Variants in UNC80 observed in about 807,000 individuals in gnomAD.
The protein encoded by UNC80 is unc-80 subunit of NALCN channel complex.
In UNC80, 164 loss-of-function variants were observed where a neutral mutation model predicts 384.6. The observed-to-expected ratio is 0.43, with a 90% CI of 0.38 to 0.49. UNC80 has a LOEUF of 0.49. Ranked by LOEUF, UNC80 falls within the 20% of genes least tolerant of loss-of-function variation. The pLI, the probability that UNC80 is intolerant of heterozygous loss-of-function variation, is 0.00. For synonymous variants in UNC80, 1,486 were observed against 1,527.8 expected (o/e 0.97, Z 0.64); for missense variants, 3,330 against 4,143.0 (o/e 0.80, Z 5.39).
intron 61 of UNC80, among the ~76,000 whole-genome samples, chr2:209,987,753 A>G (rs2093318248): frequency 1.3e-5 from 2 of 152,196 alleles, no homozygotes; most frequent in African/African-American, 4.8e-5. Flanking sequence ...AAATGTTTGA[A>G]CAAGACTATA....
At position 209,888,111 on chromosome 2, in the gene UNC80, G is replaced by T. The variant is rs762814371; in HGVS notation, c.4127G>T (p.Arg1376Ile). ...TEPLVDLESCRLRLDPELDRH... is the reference protein window; with the variant it reads ...TEPLVDLESCILRLDPELDRH... ...GCATTTTAGGACTTGGAGAGCTGCA[G>T]ACTTCGTTTGGATCCCGAGTTGGAC... is the stretch of plus-strand genomic sequence containing the variant. Residue 1376 changes from arginine (R) to isoleucine (I), a missense_variant, in exon 26 of 65, where the codon AGA (arginine) becomes ATA (isoleucine). Arg to Ile is a moderately conservative substitution (Grantham distance 97). This residue lies in a region of UNC80 where 801 missense variants were observed against 950.8 expected (regional missense o/e 0.84). Coordinates refer to ENST00000673920, the MANE Select transcript of UNC80 (RefSeq NM_001371986.1). 5 of 1,551,594 alleles carry T rather than the reference G, an allele frequency of 3.2e-6. No homozygotes were observed. Among genetic ancestry groups the T allele is most frequent in the Admixed American group, 2.0e-5 (1 of 50,990 alleles).
intron 29 of UNC80, among the ~76,000 whole-genome samples, chr2:209,906,531 T>C (rs1320335085): frequency 2.0e-5 from 3 of 152,130 alleles, no homozygotes; most frequent in Non-Finnish European, 4.4e-5. Flanking sequence ...AAAGTTGAGA[T>C]TATCCACACT....
chr2:209,839,576 T>A lies in UNC80; in HGVS notation c.3250+146T>A. Reference sequence around the variant, plus strand: ...CTTCATTCATTCATTCATTTAATTTTTCCCACAGTATTTTTCAATACCCTA... The same window carrying A: ...CTTCATTCATTCATTCATTTAATTTATCCCACAGTATTTTTCAATACCCTA... On this transcript the variant is annotated intron_variant, in intron 19 of 64. Coordinates refer to ENST00000673920, the MANE Select transcript of UNC80 (RefSeq NM_001371986.1). The surrounding 1 kb of genome is among the most constrained non-coding windows in gnomAD (Gnocchi z 4.1). 1 of 860,590 alleles carries A rather than the reference T, an allele frequency of 1.2e-6. No homozygotes were observed. The highest frequency in any genetic ancestry group is 2.7e-5 in the East Asian group (1 of 37,576). 53.3% of individuals were successfully genotyped at this position (860,590 alleles called of 1,614,324 possible). A position where few individuals can be genotyped will look rare whatever the true frequency, so the allele number is the denominator to read the frequency against.
intron 16 of UNC80, among the ~76,000 whole-genome samples, chr2:209,833,083 G>C (rs1173307085): frequency 6.6e-6 from 1 of 152,106 alleles, no homozygotes; most frequent in African/African-American, 2.4e-5. Context: ...GCAGAGTGAG[G>C]GGCACAGCGC....
intron 51 of UNC80, among the ~76,000 whole-genome samples, chr2:209,960,088 A>G (rs2092543371): frequency 6.6e-6 from 1 of 152,210 alleles, no homozygotes. Flanking sequence ...CTGTTATTTT[A>G]CATGAGGAAT....
At chr2:209,866,928 T>C (rs563039448) in intron 22 of UNC80, among the ~76,000 whole-genome samples, 22 of 152,346 alleles carry the variant, frequency 1.4e-4, no homozygotes, top group Admixed American at 6.5e-4. Flanking sequence ...ATAATAGTTG[T>C]GCACATTTAT....
chr2:209,888,214 C>T lies in UNC80; in HGVS notation c.4230C>T (p.Ser1410=), dbSNP rs962043503. 6.4e-7 allele frequency: 1 copy of T among 1,551,724 alleles called. No individual in the cohort carries two copies. The highest frequency in any genetic ancestry group is 8.7e-7 in the Non-Finnish European group (1 of 1,146,994). ...ENEDSKDSLH[S]SSHTLKSDAG... is the part of the protein sequence containing the mutation. ...AAGACTCAAAAGATTCTCTCCACAG[C>T]AGCAGCCACACTCTCAAATCAGATG... The change falls in exon 26 of 65, where the codon AGC becomes AGT. Residue 1410 remains serine (S), a synonymous_variant. Coordinates refer to ENST00000673920, the MANE Select transcript of UNC80 (RefSeq NM_001371986.1).
chr2:209,926,381 ACTTTGTGTAACGTAAT>A (rs1259129356), intron 35 of UNC80, among the ~76,000 whole-genome samples: 3 of 152,222 alleles, frequency 2.0e-5, no homozygotes, highest in Admixed American at 2.0e-4. Flanking sequence ...ATGAAGAGGC[ACTTTGTGTAACGTAAT>A]CTTTTTTAAG....
intron 38 of UNC80, among the ~76,000 whole-genome samples, chr2:209,931,851 A>G (rs1358529864): frequency 6.6e-6 from 1 of 152,200 alleles, no homozygotes; most frequent in Non-Finnish European, 1.5e-5. Flanking sequence ...TCCAATCCAG[A>G]TTTAAGTTCA....
intron 56 of UNC80, among the ~76,000 whole-genome samples, chr2:209,973,749 C>T (rs943107309): frequency 3.3e-5 from 5 of 152,152 alleles, no homozygotes; most frequent in Non-Finnish European, 7.4e-5. Context: ...GATCTGTCAC[C>T]TATATAAATG....
intron 26 of UNC80, among the ~76,000 whole-genome samples, chr2:209,892,395 A>G (rs1036202518): frequency 1.3e-5 from 2 of 152,184 alleles, no homozygotes; most frequent in African/African-American, 4.8e-5. Context: ...GTGCTGCACA[A>G]TCTCAACTGA....
At chr2:209,818,402 A>C (rs1017187222) in intron 11 of UNC80, among the ~76,000 whole-genome samples, 1 of 152,016 alleles carries the variant, frequency 6.6e-6, no homozygotes, top group Non-Finnish European at 1.5e-5. Context: ...TGCAGCAAAC[A>C]TGTGTCTCTG....
intron 34 of UNC80, 100 bp from the exon 35 acceptor site, chr2:209,922,152 T>C: frequency 1.5e-6 from 2 of 1,318,466 alleles, no homozygotes; most frequent in Non-Finnish European, 1.0e-6. Context: ...TTAAGCCTTA[T>C]GGTCTGAGAG....
Position 209,995,497 on chromosome 2 carries a change from G to A in UNC80, c.9877G>A (p.Glu3293Lys), listed in dbSNP as rs199783352. The change falls in exon 65 of 65, where the codon GAA becomes AAA. Residue 3293 changes from glutamate to lysine, a missense_variant. Glu to Lys is a moderately conservative substitution (Grantham distance 56, BLOSUM62 1). Coordinates refer to ENST00000673920, the MANE Select transcript of UNC80 (RefSeq NM_001371986.1). ...HGDTVLHISE[E>K]NGMENPLLSS... ...AGACACTGTCCTTCATATCAGTGAG[G>A]AAAATGGCATGGAGAACCCGCTACT... The A allele has an allele frequency of 4.4e-4, 675 of 1,551,724 alleles. 1 individual carries two copies. The highest frequency in any genetic ancestry group is 5.5e-4 in the Non-Finnish European group (626 of 1,147,062).
intron 53 of UNC80, chr2:209,970,457 C>G (rs76006147): frequency 9.9e-6 from 2 of 202,548 alleles, no homozygotes; most frequent in Admixed American, 1.1e-4. Flanking sequence ...AGTTGGAATG[C>G]CTAGTGCAAA....
intron 6 of UNC80, among the ~76,000 whole-genome samples, chr2:209,792,562 T>C (rs1413017024): frequency 6.6e-6 from 1 of 152,134 alleles, no homozygotes; most frequent in African/African-American, 2.4e-5. Flanking sequence ...TTAGCCCGGA[T>C]GGTCTCGATC....
rs1464696964 is a variant in UNC80 at position 209,945,886 on chromosome 2, G to A, written c.7229G>A (p.Ser2410Asn). ...AACGAAGATCTGACATTTTCTATCA[G>A]TGAAGCCATTAAGCTCTGTGTCACT... Reference protein sequence around the residue: ...YGNEDLTFSISEAIKLCVTVV... With the variant: ...YGNEDLTFSINEAIKLCVTVV... The change falls in exon 47 of 65, where the codon AGT (serine) becomes AAT (asparagine). Residue 2410 changes from serine to asparagine, a missense_variant. Ser to Asn is a conservative substitution (Grantham distance 46). Coordinates refer to ENST00000673920, the MANE Select transcript of UNC80 (RefSeq NM_001371986.1). 1 of 1,551,860 alleles carries A rather than the reference G, an allele frequency of 6.4e-7. No homozygotes were observed. The highest frequency in any genetic ancestry group is 8.7e-7 in the Non-Finnish European group (1 of 1,147,016).
intron 7 of UNC80, chr2:209,808,692 T>A: frequency 2.0e-5 from 2 of 99,910 alleles, no homozygotes; most frequent in Non-Finnish European, 4.3e-5. Flanking sequence ...TCCCCTGGAG[T>A]ACTTAAGGGA....
Position 209,998,117 on chromosome 2 carries a change from A to G in UNC80, c.*2522A>G, listed in dbSNP as rs2093509302. 6.6e-6 allele frequency: 1 copy of G among 152,204 alleles called. No homozygotes were observed. Among genetic ancestry groups the G allele is most frequent in the South Asian group, 2.1e-4 (1 of 4,832 alleles). 9.4% of individuals were successfully genotyped at this position (152,204 alleles called of 1,614,324 possible). A position where few individuals can be genotyped will look rare whatever the true frequency, so the allele number is the denominator to read the frequency against. On this transcript the variant is annotated 3_prime_UTR_variant, in exon 65 of 65. Coordinates refer to ENST00000673920, the MANE Select transcript of UNC80 (RefSeq NM_001371986.1). ...ATGATATTTATCTTATTCAGAGGAA[A>G]AACAAAAAAGGTACCCACTTCCCAT...
Sources: allele counts gnomAD v4.1 joint callset (sites outside exome capture counted in the v4.1 genomes callset), GRCh38; gene constraint gnomAD v4.1.1; regional missense constraint gnomAD v4.1.1; non-coding constraint Gnocchi (gnomAD v3.1); transcripts MANE v1.5; gene names NCBI Gene and HGNC (gene_info 2026-07-23, HGNC 2026-07-21).